SPRR2G: variants seen among roughly 807,000 people sequenced by gnomAD.
SPRR2G encodes small proline-rich protein 2G.
Under a neutral mutation model 0.7 loss-of-function variants are expected in SPRR2G, and 1 was observed. The observed-to-expected ratio is 1.49, with a 90% confidence interval of 0.53 to 7.06. SPRR2G has a LOEUF of 7.06. Among genes scored for constraint, SPRR2G ranks in the 30% most tolerant of loss-of-function variants. SPRR2G has a pLI of 0.14. For synonymous variants in SPRR2G, 38 were observed against 33.9 expected, an observed-to-expected ratio of 1.12 and a Z score of -0.42; for missense variants, 96 against 88.5, an observed-to-expected ratio of 1.09 and a Z score of -0.34.
At chr1:153,150,158 C>T (rs1294804657) in intron 1 of SPRR2G, 27 bp from the exon 2 acceptor site, 1 of 1,607,434 alleles carries the variant, frequency 6.2e-7, no homozygotes, top group South Asian at 1.1e-5. Context: ...AAACAGTGCT[C>T]ATAAGAGAGA....
chr1:153,168,063 A>G, the SPRR2G span, among the ~76,000 whole-genome samples: 464 of 152,316 alleles, frequency 3.0e-3, no homozygotes, highest in Non-Finnish European at 4.7e-3. Flanking sequence ...TCCATCAAAG[A>G]AGAATCTGTT....
At chr1:153,154,299 G>A (rs1656535399), upstream of SPRR2G, among the ~76,000 whole-genome samples, 1 of 151,862 alleles carries the variant, frequency 6.6e-6, no homozygotes, top group South Asian at 2.1e-4. Context: ...TATTCATCAG[G>A]GATGTTGGCC....
At chr1:153,161,182 T>C in the SPRR2G span, among the ~76,000 whole-genome samples, 1 of 151,658 alleles carries the variant, frequency 6.6e-6, no homozygotes, top group East Asian at 1.9e-4. Context: ...CATGTATACA[T>C]ATGTAACAAA....
the SPRR2G span, among the ~76,000 whole-genome samples, chr1:153,163,582 G>A: frequency 6.6e-6 from 1 of 152,026 alleles, no homozygotes; most frequent in Admixed American, 6.6e-5. Flanking sequence ...AGCAAGAGGG[G>A]TGTCCCATCC....
At chr1:153,199,808 T>C in the SPRR2G span, among the ~76,000 whole-genome samples, 1 of 152,100 alleles carries the variant, frequency 6.6e-6, no homozygotes, top group Non-Finnish European at 1.5e-5. Flanking sequence ...CAAGGGCATC[T>C]GCTAGAGATT....
At chr1:153,178,152 A>T in the SPRR2G span, among the ~76,000 whole-genome samples, 3 of 152,154 alleles carry the variant, frequency 2.0e-5, no homozygotes, top group African/African-American at 7.2e-5. Context: ...ATAGAAATAT[A>T]ATTGATTTCT....
At chr1:153,194,074 A>G in the SPRR2G span, among the ~76,000 whole-genome samples, 1 of 152,126 alleles carries the variant, frequency 6.6e-6, no homozygotes, top group African/African-American at 2.4e-5. Context: ...CATCATCTTG[A>G]GCTTGTACCC....
At chr1:153,190,868 T>C in the SPRR2G span, 1 of 150,476 alleles carries the variant, frequency 6.6e-6, no homozygotes, top group South Asian at 2.1e-4. Flanking sequence ...AGACCTATGA[T>C]GTTTTTTTTT....
the SPRR2G span, among the ~76,000 whole-genome samples, chr1:153,159,717 C>G: frequency 6.6e-6 from 1 of 152,200 alleles, no homozygotes; most frequent in Non-Finnish European, 1.5e-5. Flanking sequence ...AACTTACAAT[C>G]ATGGCAGAAG....
chr1:153,169,414 A>C, the SPRR2G span, among the ~76,000 whole-genome samples: 2 of 152,240 alleles, frequency 1.3e-5, no homozygotes, highest in South Asian at 4.2e-4. Context: ...AAATACAAAA[A>C]AATTAGTTGG....
the SPRR2G span, among the ~76,000 whole-genome samples, chr1:153,184,270 C>G: frequency 6.6e-6 from 1 of 152,096 alleles, no homozygotes; most frequent in Non-Finnish European, 1.5e-5. Flanking sequence ...TCAATGATAG[C>G]TTGATGGGAA....
At chr1:153,189,864 G>A in the SPRR2G span, among the ~76,000 whole-genome samples, 11 of 152,092 alleles carry the variant, frequency 7.2e-5, no homozygotes, top group Admixed American at 7.2e-4. Flanking sequence ...CTCCTGGGAG[G>A]GGCAGACACT....
the SPRR2G span, among the ~76,000 whole-genome samples, chr1:153,179,870 C>A: frequency 1.3e-5 from 2 of 152,118 alleles, no homozygotes; most frequent in Non-Finnish European, 2.9e-5. Flanking sequence ...ACAACCACAG[C>A]AATCATATAA....
At position 153,150,151 on chromosome 1, in the gene SPRR2G, C is replaced by G. The variant is rs1324150562; in HGVS notation, c.-21-20G>C. 5 of 1,608,670 alleles carry G rather than the reference C, an allele frequency of 3.1e-6. No homozygotes were observed. Among genetic ancestry groups the G allele is most frequent in the Non-Finnish European group, 4.2e-6 (5 of 1,179,708 alleles). On this transcript the variant is annotated intron_variant, in intron 1 of 1. Coordinates refer to ENST00000368748, the MANE Select transcript of SPRR2G (RefSeq NM_001014291.4). ...GAGAATCTGAAAGATACATACGAAA[C>G]AGTGCTCATAAGAGAGACAGTCCTG...
the SPRR2G span, among the ~76,000 whole-genome samples, chr1:153,200,354 A>G: frequency 7.2e-5 from 11 of 152,030 alleles, no homozygotes; most frequent in African/African-American, 2.4e-4. Context: ...AGAGAATGAG[A>G]CAGAAATGAA....
At chr1:153,191,345 C>G in the SPRR2G span, 2 of 152,196 alleles carry the variant, frequency 1.3e-5, no homozygotes, top group Non-Finnish European at 2.9e-5. Flanking sequence ...GCACAGAGCC[C>G]AGTCTGTTGG....
the SPRR2G span, among the ~76,000 whole-genome samples, chr1:153,193,220 C>T: frequency 6.6e-6 from 1 of 152,206 alleles, no homozygotes; most frequent in Non-Finnish European, 1.5e-5. Context: ...TACATCATTC[C>T]TGGAGGTGAC....
At chr1:153,198,431 G>A in the SPRR2G span, among the ~76,000 whole-genome samples, 1 of 152,230 alleles carries the variant, frequency 6.6e-6, no homozygotes, top group East Asian at 1.9e-4. Context: ...GGAGACCTGT[G>A]ATGATGATGC....
At chr1:153,190,581 C>T in the SPRR2G span, 2 of 152,288 alleles carry the variant, frequency 1.3e-5, no homozygotes, top group South Asian at 4.1e-4. Flanking sequence ...CTGCCTTCTG[C>T]TGGCTATATG....
Sources: gnomAD v4.1 joint callset for allele counts (sites outside exome capture counted in the v4.1 genomes callset) on GRCh38, gnomAD v4.1.1 for gene constraint, MANE v1.5 for transcripts, NCBI Gene and HGNC (gene_info 2026-07-23, HGNC 2026-07-21) for gene names.